The following ATP13A5 variants were observed in gnomAD, a reference collection of about 807,000 sequenced individuals.
ATP13A5 encodes ATPase 13A5.
ATP13A5 carries 149 observed loss-of-function variants against 150.2 expected under a neutral mutation model. The observed-to-expected ratio is 0.99, with a 90% confidence interval of 0.87 to 1.14. The LOEUF is 1.14. Among genes scored for constraint, ATP13A5 ranks in the 50% most tolerant of loss-of-function variants. ATP13A5 has a pLI of 0.00. For missense variants in ATP13A5, 1,383 were observed against 1,449.3 expected (o/e 0.95, Z 0.74); for synonymous variants, 497 against 522.2 (o/e 0.95, Z 0.66).
At chr3:193,296,863 A>G (rs1718191707) in intron 25 of ATP13A5, among the ~76,000 whole-genome samples, 1 of 152,032 alleles carries the variant, frequency 6.6e-6, no homozygotes, top group Admixed American at 6.6e-5. Flanking sequence ...CTAATGCAAG[A>G]ACAGAAAACC....
intron 21 of ATP13A5, among the ~76,000 whole-genome samples, chr3:193,309,858 T>C (rs1038693564): frequency 3.9e-5 from 6 of 152,192 alleles, no homozygotes; most frequent in African/African-American, 1.4e-4. Context: ...TGAATTTTTT[T>C]TTAATCCCCT....
chr3:193,311,736 ACT>A, intron 20 of ATP13A5, 78 bp downstream of exon 20: 1 of 1,559,598 alleles, frequency 6.4e-7, no homozygotes, highest in Admixed American at 1.8e-5. Flanking sequence ...CTCAGTGATC[ACT>A]GTTTTCAATA....
intron 8 of ATP13A5, 137 bp from the exon 9 acceptor site, chr3:193,344,192 CA>C: frequency 8.8e-7 from 1 of 1,141,902 alleles, no homozygotes. Context: ...CCTTTTTAGT[CA>C]ATTGAAAATT....
At chr3:193,354,594 T>C (rs1408875941) in intron 5 of ATP13A5, among the ~76,000 whole-genome samples, 1 of 151,948 alleles carries the variant, frequency 6.6e-6, no homozygotes, top group East Asian at 1.9e-4. Flanking sequence ...TATCTTACTT[T>C]GGTACCTCCA....
chr3:193,342,833 G>A (rs1712182271), intron 9 of ATP13A5, among the ~76,000 whole-genome samples: 1 of 152,172 alleles, frequency 6.6e-6, no homozygotes, highest in African/African-American at 2.4e-5. Flanking sequence ...GTGTGAGGCA[G>A]CTGCTGTGTT....
intron 6 of ATP13A5, among the ~76,000 whole-genome samples, chr3:193,353,638 G>C (rs1293324662): frequency 6.6e-6 from 1 of 152,142 alleles, no homozygotes; most frequent in Non-Finnish European, 1.5e-5. Context: ...GATGGGATTA[G>C]TGTCCTTGTA....
chr3:193,364,688 A>G (rs1560152210), intron 1 of ATP13A5, among the ~76,000 whole-genome samples: 1 of 133,940 alleles, frequency 7.5e-6, no homozygotes, highest in East Asian at 2.2e-4. Context: ...TTGTAGGAAG[A>G]TGATAAAATC....
rs538352469 is a variant in ATP13A5 at position 193,312,014 on chromosome 3, G to A, written c.2320-73C>T. ...TCTGCTTTCCTATGCGTTATTGAAG[G>A]AAGAGTTTTCATGTTGCCTAACAGT... On this transcript the variant is annotated intron_variant, in intron 19 of 29. Transcript: ENST00000342358. 4.4e-5 allele frequency: 68 copies of A among 1,560,636 alleles called. No individual in the cohort carries two copies. The Middle Eastern group carries it at 6.9e-4, about 16-fold the overall frequency.
At chr3:193,294,524 T>G (rs1718086628) in intron 25 of ATP13A5, among the ~76,000 whole-genome samples, 1 of 152,108 alleles carries the variant, frequency 6.6e-6, no homozygotes, top group Non-Finnish European at 1.5e-5. Context: ...TGTATTATAT[T>G]TTGTCTCTGT....
At chr3:193,353,874 CCACCACCACCAA>C (rs1486147589) in intron 6 of ATP13A5, among the ~76,000 whole-genome samples, 1 of 149,116 alleles carries the variant, frequency 6.7e-6, no homozygotes, top group East Asian at 2.0e-4. Flanking sequence ...CCCACCACCA[CCACCACCACCAA>C]AACCACCATC....
chr3:193,363,909 T>C (rs1199708256), intron 2 of ATP13A5, among the ~76,000 whole-genome samples, 198 bp downstream of exon 2: 1 of 152,158 alleles, frequency 6.6e-6, no homozygotes, highest in Non-Finnish European at 1.5e-5. Context: ...TGCTCTTCCT[T>C]CCTGGGTCAA....
chr3:193,354,287 CTT>C, intron 5 of ATP13A5, 91 bp from the exon 6 acceptor site: 1 of 1,149,130 alleles, frequency 8.7e-7, no homozygotes, highest in Non-Finnish European at 1.2e-6. Context: ...TTTTTCTACT[CTT>C]TGGAGATTTT....
chr3:193,325,255 T>G (rs2108866737), intron 13 of ATP13A5, among the ~76,000 whole-genome samples: 1 of 152,356 alleles, frequency 6.6e-6, no homozygotes, highest in South Asian at 2.1e-4. Flanking sequence ...CCCTGTACTC[T>G]AGATCCACAT....
Position 193,324,996 on chromosome 3 carries a change from G to C in ATP13A5, c.1542C>G (p.Ser514Arg), listed in dbSNP as rs756263062. Residue 514 changes from serine to arginine, a missense_variant, in exon 14 of 30, where the codon AGC (serine) becomes AGG (arginine). Ser to Arg is a moderately radical substitution (Grantham distance 110). This residue lies in a region of ATP13A5 where 787 missense variants were observed against 771.9 expected (regional missense o/e 1.02). Transcript: ENST00000342358. Reference protein sequence around the residue: ...TADNCFQEAHSFASGQAVPWS... With the variant: ...TADNCFQEAHRFASGQAVPWS... ...ATGGCACAGCCTGGCCTGAGGCAAAGCTGTGGGCTTCCTGGAAGCTGGTAG... is the reference window on the plus strand; with the variant it reads ...ATGGCACAGCCTGGCCTGAGGCAAACCTGTGGGCTTCCTGGAAGCTGGTAG... The C allele has an allele frequency of 6.2e-7, 1 of 1,610,900 alleles. No individual in the cohort carries two copies. The highest frequency in any genetic ancestry group is 2.2e-5 in the East Asian group (1 of 44,858).
intron 14 of ATP13A5, 117 bp downstream of exon 14, chr3:193,324,747 G>A (rs151224692): frequency 5.2e-4 from 590 of 1,126,926 alleles, no homozygotes; most frequent in Non-Finnish European, 6.9e-4. Context: ...AGTGTTACAC[G>A]CTTATACATA....
intron 14 of ATP13A5, among the ~76,000 whole-genome samples, chr3:193,322,985 T>C (rs1719338706): frequency 1.3e-5 from 2 of 152,342 alleles, no homozygotes; most frequent in Admixed American, 1.3e-4. Flanking sequence ...ACTATACCTA[T>C]GCTACTAGCC....
At chr3:193,377,809 C>T (rs1713694520) in intron 1 of ATP13A5, among the ~76,000 whole-genome samples, 1 of 152,168 alleles carries the variant, frequency 6.6e-6, no homozygotes, top group East Asian at 1.9e-4. Context: ...TCTCTGTCTC[C>T]TTTCTTCATT....
At chr3:193,343,487 G>A (rs1712206196) in intron 9 of ATP13A5, among the ~76,000 whole-genome samples, 1 of 152,170 alleles carries the variant, frequency 6.6e-6, no homozygotes, top group Non-Finnish European at 1.5e-5. Context: ...GGCCTCAGTA[G>A]TTTTCTATCT....
At chr3:193,312,077 T>C (rs1054096202) in intron 19 of ATP13A5, 136 bp from the exon 20 acceptor site, 6 of 1,112,572 alleles carry the variant, frequency 5.4e-6, no homozygotes, top group Non-Finnish European at 7.7e-6. Flanking sequence ...AATTTGCCTA[T>C]AGCAGTTCTA....
Sources: allele counts gnomAD v4.1 joint callset (sites outside exome capture counted in the v4.1 genomes callset), GRCh38; gene constraint gnomAD v4.1.1; regional missense constraint gnomAD v4.1.1; transcripts MANE v1.5; gene names NCBI Gene and HGNC (gene_info 2026-07-23, HGNC 2026-07-21).